DSCAM: variants seen among roughly 807,000 people sequenced by gnomAD.
DSCAM encodes the protein cell adhesion molecule DSCAM.
A neutral mutation model predicts 217.7 loss-of-function variants in DSCAM; 47 were observed. That is an observed-to-expected ratio of 0.22 (90% CI 0.17 to 0.28). DSCAM has a LOEUF of 0.28. Among genes scored for constraint, DSCAM ranks in the 10% least tolerant of loss-of-function variants. The probability of loss-of-function intolerance (pLI) is 1.00; values close to 1 mark genes in which losing one functional copy is unlikely to be tolerated. For missense variants in DSCAM, 2,080 were observed against 2,618.3 expected (o/e 0.79, Z 4.49); for synonymous variants, 1,056 against 1,015.3 (o/e 1.04, Z -0.76).
At chr21:40,588,484 G>A (rs559350000) in intron 3 of DSCAM, among the ~76,000 whole-genome samples, 63 of 152,266 alleles carry the variant, frequency 4.1e-4, no homozygotes, top group African/African-American at 1.5e-3. Context: ...GTAAGTTTCA[G>A]CAAGTGGTGA....
chr21:40,105,530 C>T (rs1477606777), intron 20 of DSCAM, among the ~76,000 whole-genome samples: 1 of 152,178 alleles, frequency 6.6e-6, no homozygotes, highest in Non-Finnish European at 1.5e-5. Flanking sequence ...CTTCCTCTTG[C>T]TGCTGCCACG....
intron 1 of DSCAM, among the ~76,000 whole-genome samples, chr21:40,753,607 T>G (rs960155751): frequency 6.6e-6 from 1 of 152,216 alleles, no homozygotes; most frequent in Non-Finnish European, 1.5e-5. Context: ...CACATTACTA[T>G]CAGAGTAGCC....
At chr21:40,596,611 C>CA (rs2077023233) in intron 3 of DSCAM, among the ~76,000 whole-genome samples, 1 of 152,118 alleles carries the variant, frequency 6.6e-6, no homozygotes, top group Admixed American at 6.5e-5. Flanking sequence ...ACAAGAACAA[C>CA]AGAACACAGA....
chr21:40,769,114 C>T (rs944070965), intron 1 of DSCAM, among the ~76,000 whole-genome samples: 2 of 128,060 alleles, frequency 1.6e-5, no homozygotes, highest in Non-Finnish European at 3.3e-5. Context: ...TTCCCCAACC[C>T]TCTGCTCTCA....
At chr21:40,084,473 C>T (rs1046784983) in intron 23 of DSCAM, among the ~76,000 whole-genome samples, 1 of 150,060 alleles carries the variant, frequency 6.7e-6, no homozygotes, top group African/African-American at 2.5e-5. Flanking sequence ...CAAAAATCTT[C>T]ACTTTCTAAG....
At chr21:40,664,393 A>G (rs2090176170) in intron 3 of DSCAM, among the ~76,000 whole-genome samples, 1 of 152,184 alleles carries the variant, frequency 6.6e-6, no homozygotes, top group Admixed American at 6.5e-5. Flanking sequence ...TTGAGGAGGA[A>G]GTTCCCTGCC....
chr21:40,768,261 T>C (rs993907598), intron 1 of DSCAM, among the ~76,000 whole-genome samples: 3 of 152,042 alleles, frequency 2.0e-5, no homozygotes, highest in African/African-American at 7.2e-5. Context: ...GGCACCCCAG[T>C]GGCTCTGAGC....
chr21:40,776,502 C>T (rs1433717735), intron 1 of DSCAM, among the ~76,000 whole-genome samples: 1 of 152,094 alleles, frequency 6.6e-6, no homozygotes, highest in Non-Finnish European at 1.5e-5. Context: ...GTAAATTGAT[C>T]TATTAGGAGG....
At chr21:40,829,157 C>T (rs1313381343) in intron 1 of DSCAM, among the ~76,000 whole-genome samples, 1 of 152,214 alleles carries the variant, frequency 6.6e-6, no homozygotes, top group African/African-American at 2.4e-5. Flanking sequence ...GCAATAAAAA[C>T]AGGAGTGGAC....
rs143321345 is a variant in DSCAM, at chr21:40,561,836, G to C, written c.508+130974C>G. Among the ~76,000 whole-genome samples, 69 of 152,234 alleles carry C rather than the reference G, an allele frequency of 4.5e-4. 1 individual carries two copies. The Middle Eastern group carries it at 0.01, about 23-fold the overall frequency. The stretch of plus-strand genomic sequence containing the variant: ...CATCACTTAAGGGAAAACAAAGCTA[G>C]GGGCAAAAATACTAAGGCAGCCTAG... On this transcript the variant is annotated intron_variant, in intron 3 of 32. Transcript: ENST00000400454.
At chr21:40,415,479 T>A (rs989318877) in intron 3 of DSCAM, among the ~76,000 whole-genome samples, 1 of 152,250 alleles carries the variant, frequency 6.6e-6, no homozygotes, top group African/African-American at 2.4e-5. Flanking sequence ...CAGGTCTGGA[T>A]GGTCACTGTG....
intron 3 of DSCAM, among the ~76,000 whole-genome samples, chr21:40,647,403 A>T (rs1358533211): frequency 6.6e-6 from 1 of 152,258 alleles, no homozygotes; most frequent in Admixed American, 6.5e-5. Context: ...ATGAAACAAT[A>T]AAAAATCTGA....
intron 3 of DSCAM, among the ~76,000 whole-genome samples, chr21:40,687,182 A>G (rs929194210): frequency 6.6e-6 from 1 of 152,206 alleles, no homozygotes; most frequent in Non-Finnish European, 1.5e-5. Flanking sequence ...TGTTCCTTTT[A>G]TACTTTTCAT....
rs11911108 is a variant in DSCAM at position 40,511,414 on chromosome 21, T to C, written c.509-142169A>G. 7.4e-3 allele frequency among the ~76,000 whole-genome samples: 1,127 copies of C among 152,298 alleles called. 13 individuals are homozygous for C. Among genetic ancestry groups the C allele is most frequent in the African/African-American group, 0.026 (1,066 of 41,568 alleles). ...TAGAGTATCCATGTCACAGCTCTTA[T>C]TGAAAACAAATGTCATAAATTTAGC... On this transcript the variant is annotated intron_variant, in intron 3 of 32. Coordinates refer to ENST00000400454, the MANE Select transcript of DSCAM (RefSeq NM_001389.5).
At chr21:40,226,255 A>T (rs2091331873) in intron 11 of DSCAM, among the ~76,000 whole-genome samples, 1 of 152,216 alleles carries the variant, frequency 6.6e-6, no homozygotes, top group East Asian at 1.9e-4. Context: ...AGATGCACAG[A>T]AAGTTTGGTG....
intron 3 of DSCAM, among the ~76,000 whole-genome samples, chr21:40,393,066 C>T (rs1012910459): frequency 6.6e-6 from 1 of 152,150 alleles, no homozygotes; most frequent in Non-Finnish European, 1.5e-5. Context: ...GCACGCAGCT[C>T]CAAAGGCTGG....
At chr21:40,581,864 G>C (rs2076908633) in intron 3 of DSCAM, among the ~76,000 whole-genome samples, 1 of 151,782 alleles carries the variant, frequency 6.6e-6, no homozygotes, top group Non-Finnish European at 1.5e-5. Flanking sequence ...ATTTTTCCTT[G>C]TAAAAAAAAT....
At chr21:40,434,831 G>T (rs1316995277) in intron 3 of DSCAM, among the ~76,000 whole-genome samples, 1 of 152,174 alleles carries the variant, frequency 6.6e-6, no homozygotes, top group Admixed American at 6.5e-5. Flanking sequence ...TGGGGAGAAT[G>T]TACAATCACT....
intron 1 of DSCAM, among the ~76,000 whole-genome samples, chr21:40,811,508 C>T (rs1037158461): frequency 2.6e-5 from 4 of 152,168 alleles, no homozygotes; most frequent in East Asian, 1.9e-4. Flanking sequence ...AGAGTTTTAA[C>T]GTTCACCCAT....
Sources: allele counts gnomAD v4.1 joint callset (sites outside exome capture counted in the v4.1 genomes callset), GRCh38; gene constraint gnomAD v4.1.1; transcripts MANE v1.5; gene names NCBI Gene and HGNC (gene_info 2026-07-23, HGNC 2026-07-21).